DTWD2: variants seen among roughly 807,000 people sequenced by gnomAD.
DTWD2 encodes the protein DTW motif tRNA-uridine aminocarboxypropyltransferase 2.
In DTWD2, 39 loss-of-function variants were observed where a neutral mutation model predicts 31.8. The ratio of observed to expected loss-of-function variants is 1.22; its 90% CI spans 0.95 to 1.60. The LOEUF (loss-of-function observed/expected upper bound fraction) is 1.60. Among genes scored for constraint, DTWD2 ranks in the 40% most tolerant of loss-of-function variants. The pLI is 0.00. For synonymous variants in DTWD2, 180 were observed against 142.8 expected, an observed-to-expected ratio of 1.26 and a Z score of -1.86; for missense variants, 515 against 381.5, an observed-to-expected ratio of 1.35 and a Z score of -2.92.
chr5:118,970,805 T>C (rs556597518), intron 1 of DTWD2, among the ~76,000 whole-genome samples: 2 of 152,306 alleles, frequency 1.3e-5, no homozygotes, highest in East Asian at 3.9e-4. Context: ...GTGGAAACCC[T>C]ATTAGCCAGC....
At chr5:118,847,623 GA>G (rs1441554224) in intron 5 of DTWD2, among the ~76,000 whole-genome samples, 2 of 149,854 alleles carry the variant, frequency 1.3e-5, no homozygotes, top group Non-Finnish European at 3.0e-5. Context: ...TTTTTTTCAA[GA>G]AAAATGTCTT....
At chr5:118,904,147 G>T (rs945546069) in intron 4 of DTWD2, among the ~76,000 whole-genome samples, 1 of 151,972 alleles carries the variant, frequency 6.6e-6, no homozygotes, top group Non-Finnish European at 1.5e-5. Context: ...GAGATTATGA[G>T]ACCACCTATG....
rs78442179 is a variant in DTWD2 at position 118,903,686 on chromosome 5, A to T, written c.597+24851T>A. 6.6e-5 allele frequency among the ~76,000 whole-genome samples: 10 copies of T among 152,122 alleles called. No homozygotes were observed. In the East Asian group the frequency reaches 1.9e-3, roughly 29 times the overall value. The stretch of plus-strand genomic sequence containing the variant: ...TAAAAGCTCATTAAGTATTACAAAC[A>T]TTATGTTCCGTCATTATGAAGATGA... On this transcript the variant is annotated intron_variant, in intron 4 of 5. Transcript: ENST00000510708.
At chr5:118,846,787 G>A (rs1751864175) in intron 5 of DTWD2, among the ~76,000 whole-genome samples, 1 of 152,078 alleles carries the variant, frequency 6.6e-6, no homozygotes, top group Non-Finnish European at 1.5e-5. Context: ...CATGGTTAGA[G>A]GAGATGGAAA....
intron 2 of DTWD2, among the ~76,000 whole-genome samples, chr5:118,939,969 G>T (rs888235812): frequency 2.6e-5 from 4 of 152,204 alleles, no homozygotes; most frequent in African/African-American, 9.6e-5. Context: ...CCTTACAAAA[G>T]AATTCCAAAT....
intron 1 of DTWD2, among the ~76,000 whole-genome samples, chr5:118,945,807 AAAGAAAT>A (rs1754327331): frequency 6.8e-6 from 1 of 146,378 alleles, no homozygotes; most frequent in African/African-American, 2.7e-5. Flanking sequence ...AGAAAGAAAG[AAAGAAAT>A]TCATTAAGTG....
At chr5:118,911,376 G>A (rs1183271153) in intron 4 of DTWD2, among the ~76,000 whole-genome samples, 3 of 152,164 alleles carry the variant, frequency 2.0e-5, no homozygotes, top group Admixed American at 2.0e-4. Flanking sequence ...GGAAGGATGT[G>A]GAGAAAAGTG....
intron 2 of DTWD2, among the ~76,000 whole-genome samples, chr5:118,940,883 T>C (rs1754163383): frequency 6.6e-6 from 1 of 152,186 alleles, no homozygotes. Flanking sequence ...CAATAAACAG[T>C]GTTTGCATCT....
chr5:118,926,731 G>T (rs1480734803), intron 4 of DTWD2, among the ~76,000 whole-genome samples: 1 of 151,842 alleles, frequency 6.6e-6, no homozygotes, highest in Non-Finnish European at 1.5e-5. Context: ...TGGAGACAGG[G>T]TCTCTCTCTG....
intron 4 of DTWD2, among the ~76,000 whole-genome samples, chr5:118,857,857 T>A (rs1752174238): frequency 1.3e-5 from 2 of 152,206 alleles, no homozygotes; most frequent in African/African-American, 4.8e-5. Flanking sequence ...AGCTCTAGAA[T>A]TAACACTTGA....
At chr5:118,877,229 T>C (rs1275322957) in intron 4 of DTWD2, among the ~76,000 whole-genome samples, 2 of 152,174 alleles carry the variant, frequency 1.3e-5, no homozygotes, top group African/African-American at 4.8e-5. Flanking sequence ...TCCCAGCACT[T>C]TGGGAGACCG....
intron 3 of DTWD2, among the ~76,000 whole-genome samples, chr5:118,937,881 C>T (rs1312691369): frequency 6.6e-6 from 1 of 152,066 alleles, no homozygotes; most frequent in African/African-American, 2.4e-5. Context: ...GGCTTCACTT[C>T]CTCATTATGT....
At chr5:118,903,763 C>T (rs950337185) in intron 4 of DTWD2, among the ~76,000 whole-genome samples, 3 of 151,690 alleles carry the variant, frequency 2.0e-5, no homozygotes, top group Non-Finnish European at 4.4e-5. Context: ...AAAAAAGTTA[C>T]GAGGGGCAAC....
At chr5:118,971,126 A>C (rs1316070042) in intron 1 of DTWD2, among the ~76,000 whole-genome samples, 1 of 152,222 alleles carries the variant, frequency 6.6e-6, no homozygotes, top group African/African-American at 2.4e-5. Context: ...GATCAAACTC[A>C]CACATAACAA....
Position 118,988,453 on chromosome 5 carries a change from G to A in DTWD2, c.59C>T (p.Ala20Val), listed in dbSNP as rs1208708041. 3.1e-6 allele frequency: 5 copies of A among 1,606,030 alleles called. No individual in the cohort carries two copies. The highest frequency in any genetic ancestry group is 4.2e-6 in the Non-Finnish European group (5 of 1,177,864). The change falls in exon 1 of 6, where the codon GCC (alanine) becomes GTC (valine). Residue 20 changes from alanine to valine, a missense_variant. Transcript: ENST00000510708. Reference sequence around the variant, plus strand: ...GTCGTTCGGCGTCTGAGAGCTTGAGGCCCCAGAAGGCCGCGCAACGGGCTC... The same window carrying A: ...GTCGTTCGGCGTCTGAGAGCTTGAGACCCCAGAAGGCCGCGCAACGGGCTC... Reference protein sequence around the residue: ...LQEPVARPSGASSSQTPNDKE... With the variant: ...LQEPVARPSGVSSSQTPNDKE...
chr5:118,928,474 A>C, intron 4 of DTWD2, 63 bp downstream of exon 4: 1 of 1,185,450 alleles, frequency 8.4e-7, no homozygotes, highest in Non-Finnish European at 1.1e-6. Flanking sequence ...CCTTCACAGA[A>C]AACATACACA....
At chr5:118,983,749 G>C (rs999801751) in intron 1 of DTWD2, among the ~76,000 whole-genome samples, 2 of 152,208 alleles carry the variant, frequency 1.3e-5, no homozygotes, top group Non-Finnish European at 2.9e-5. Flanking sequence ...CTTCAGCAAG[G>C]AGCCTGGAGT....
intron 1 of DTWD2, among the ~76,000 whole-genome samples, chr5:118,951,664 G>A (rs1754468442): frequency 6.6e-6 from 1 of 152,148 alleles, no homozygotes; most frequent in African/African-American, 2.4e-5. Flanking sequence ...GAGGTTTTAA[G>A]TTTTTGAGAA....
At chr5:118,972,470 C>T (rs1387468934) in intron 1 of DTWD2, among the ~76,000 whole-genome samples, 3 of 152,050 alleles carry the variant, frequency 2.0e-5, no homozygotes, top group African/African-American at 7.2e-5. Context: ...GAAACCAAGG[C>T]AGTAATTAAA....
Sources: gnomAD v4.1 joint callset for allele counts (sites outside exome capture counted in the v4.1 genomes callset) on GRCh38, gnomAD v4.1.1 for gene constraint, MANE v1.5 for transcripts, NCBI Gene and HGNC (gene_info 2026-07-23, HGNC 2026-07-21) for gene names.